The following GNG7 variants were observed in gnomAD, a reference collection of about 807,000 sequenced individuals.
GNG7 encodes the protein G protein subunit gamma 7, also known as guanine nucleotide-binding protein G(I)/G(S)/G(O) subunit gamma-7.
GNG7 carries 1 observed loss-of-function variant against 4.0 expected under a neutral mutation model. The observed-to-expected ratio is 0.25, with a 90% CI of 0.09 to 1.18. The LOEUF (loss-of-function observed/expected upper bound fraction) is 1.18. Among genes scored for constraint, GNG7 ranks in the 50% most tolerant of loss-of-function variants. GNG7 has a pLI of 0.50. For missense variants in GNG7, 86 were observed against 91.9 expected, an observed-to-expected ratio of 0.94 and a Z score of 0.26; for synonymous variants, 34 against 36.9, an observed-to-expected ratio of 0.92 and a Z score of 0.29.
intron 3 of GNG7, among the ~76,000 whole-genome samples, chr19:2,530,911 G>T (rs1003359623): frequency 4.6e-5 from 7 of 152,158 alleles, no homozygotes; most frequent in African/African-American, 1.7e-4. Context: ...GCTTCACGAG[G>T]CCAAGGGTAC....
chr19:2,559,758 T>C (rs1239027753), intron 2 of GNG7, among the ~76,000 whole-genome samples: 2 of 152,198 alleles, frequency 1.3e-5, no homozygotes, highest in Non-Finnish European at 2.9e-5. Context: ...GTGATCCGCC[T>C]GCCTCAGCCT....
chr19:2,636,078 A>T lies in GNG7; in HGVS notation c.-78+10146T>A, dbSNP rs548288662. ...GTCTACAGGAGCCAGGGGGAGAGAGACCCTGTGTTATTTGGAAAAAAACAG... is the reference window on the plus strand; with the variant it reads ...GTCTACAGGAGCCAGGGGGAGAGAGTCCCTGTGTTATTTGGAAAAAAACAG... On this transcript the variant is annotated intron_variant, in intron 2 of 4. Transcript: ENST00000382159. 9.2e-5 allele frequency among the ~76,000 whole-genome samples: 14 copies of T among 152,144 alleles called. No individual in the cohort carries two copies. In the South Asian group the frequency reaches 2.9e-3, roughly 32 times the overall value.
At chr19:2,682,803 C>T (rs1217020865) in intron 1 of GNG7, among the ~76,000 whole-genome samples, 1 of 152,014 alleles carries the variant, frequency 6.6e-6, no homozygotes, top group East Asian at 1.9e-4. Context: ...GAAGAGCTGC[C>T]AGGGGTTGCT....
Position 2,511,955 on chromosome 19 carries a change from G to T in GNG7, c.*3067C>A. On this transcript the variant is annotated 3_prime_UTR_variant, in exon 5 of 5. Transcript: ENST00000382159. The surrounding 1 kb of genome is among the most constrained non-coding windows in gnomAD (Gnocchi z 6.3). Reference sequence around the variant, plus strand: ...GCCCAGGTGGGTCACAACAGGGTCGGGGCCTGGCCCGCTGTGGCCCTTCAC... The same window carrying T: ...GCCCAGGTGGGTCACAACAGGGTCGTGGCCTGGCCCGCTGTGGCCCTTCAC... 1.0e-6 allele frequency: 1 copy of T among 985,976 alleles called. No individual in the cohort carries two copies. The highest frequency in any genetic ancestry group is 6.1e-5 in the Admixed American group (1 of 16,276). The allele number at this position is 985,976 out of a possible 1,614,324, so 61.1% of individuals were successfully genotyped here.
At chr19:2,686,664 C>T (rs1031810973) in intron 1 of GNG7, among the ~76,000 whole-genome samples, 6 of 152,026 alleles carry the variant, frequency 3.9e-5, no homozygotes, top group African/African-American at 9.7e-5. Flanking sequence ...ATGGGGAAGA[C>T]GACGAGTTTC....
intron 3 of GNG7, among the ~76,000 whole-genome samples, chr19:2,532,131 A>C (rs1223035213): frequency 6.7e-6 from 1 of 148,974 alleles, no homozygotes; most frequent in African/African-American, 2.5e-5. Context: ...AGCCTGGGCA[A>C]AAGAACGAGA....
chr19:2,621,283 G>C (rs1981861651), intron 2 of GNG7, among the ~76,000 whole-genome samples: 1 of 152,178 alleles, frequency 6.6e-6, no homozygotes, highest in African/African-American at 2.4e-5. Context: ...CAGCTACTCG[G>C]GAAGCTGAGG....
At chr19:2,597,377 A>G (rs10420152) in intron 2 of GNG7, among the ~76,000 whole-genome samples, 104,465 of 151,998 alleles carry the variant, frequency 0.69, 36,421 homozygotes, top group Non-Finnish European at 0.76. Flanking sequence ...CAGGCGGATC[A>G]CCTAAGGTCA....
At chr19:2,680,931 C>T (rs1467815898) in intron 1 of GNG7, among the ~76,000 whole-genome samples, 2 of 151,996 alleles carry the variant, frequency 1.3e-5, no homozygotes, top group African/African-American at 2.4e-5. Context: ...TCCTACCTCC[C>T]CGTGAGCCCT....
At chr19:2,559,127 AAT>A (rs61026682) in intron 2 of GNG7, among the ~76,000 whole-genome samples, 8 of 151,056 alleles carry the variant, frequency 5.3e-5, no homozygotes, top group Non-Finnish European at 1.2e-4. Flanking sequence ...AGTCACAAAG[AAT>A]ATATATATAT....
intron 3 of GNG7, among the ~76,000 whole-genome samples, chr19:2,552,667 G>A (rs1979368647): frequency 6.6e-6 from 1 of 151,104 alleles, no homozygotes; most frequent in East Asian, 1.9e-4. Flanking sequence ...TTATAGGCGT[G>A]AGCCACCACA....
chr19:2,572,278 C>A (rs930715706), intron 2 of GNG7, among the ~76,000 whole-genome samples: 16 of 151,976 alleles, frequency 1.1e-4, no homozygotes, highest in African/African-American at 3.9e-4. Context: ...CTCAGCTTCC[C>A]ACGTATCTGG....
intron 1 of GNG7, among the ~76,000 whole-genome samples, chr19:2,698,251 A>C (rs1271352659): frequency 6.8e-6 from 1 of 147,120 alleles, no homozygotes; most frequent in African/African-American, 2.6e-5. Context: ...CGGGCAACGG[A>C]ATGAGACCAT....
At chr19:2,539,830 A>T (rs1228210184) in intron 3 of GNG7, among the ~76,000 whole-genome samples, 1 of 117,692 alleles carries the variant, frequency 8.5e-6, no homozygotes, top group Non-Finnish European at 1.9e-5. Flanking sequence ...GCAGGAACTC[A>T]CACCTCTCCT....
Position 2,599,735 on chromosome 19 carries a change from G to A in GNG7, c.-77-44547C>T, listed in dbSNP as rs542511513. 7.9e-5 allele frequency among the ~76,000 whole-genome samples: 12 copies of A among 152,192 alleles called. No individual in the cohort carries two copies. The South Asian group carries it at 2.5e-3, about 32-fold the overall frequency. On this transcript the variant is annotated intron_variant, in intron 2 of 4. Coordinates refer to ENST00000382159, the MANE Select transcript of GNG7 (RefSeq NM_052847.3). ...GCGGATCACCTGCGGTCAGGAGTTC[G>A]AGACCAGCCTGGGCAATACGGCGAA...
intron 2 of GNG7, among the ~76,000 whole-genome samples, chr19:2,613,943 ACAGAAGCTCG>A (rs1293930922): frequency 1.3e-5 from 2 of 152,218 alleles, no homozygotes; most frequent in Non-Finnish European, 2.9e-5. Flanking sequence ...TGCGAATCAG[ACAGAAGCTCG>A]CAGCCTAAGG....
At chr19:2,563,478 C>T (rs187656263) in intron 2 of GNG7, among the ~76,000 whole-genome samples, 130 of 151,922 alleles carry the variant, frequency 8.6e-4, no homozygotes, top group Middle Eastern at 6.8e-3. Flanking sequence ...TGAGGTCACA[C>T]TTTTTTTTGT....
At chr19:2,647,959 C>T (rs867552013) in intron 1 of GNG7, among the ~76,000 whole-genome samples, 20 of 124,116 alleles carry the variant, frequency 1.6e-4, no homozygotes, top group Admixed American at 7.8e-4. Context: ...ACCCGGGAGG[C>T]GGAGGTTGCA....
At chr19:2,573,808 A>C (rs1387440853) in intron 2 of GNG7, among the ~76,000 whole-genome samples, 1 of 152,140 alleles carries the variant, frequency 6.6e-6, no homozygotes, top group African/African-American at 2.4e-5. Flanking sequence ...ACGCCACTGC[A>C]CTCCAGCCTG....
Sources: allele counts gnomAD v4.1 joint callset (sites outside exome capture counted in the v4.1 genomes callset), GRCh38; gene constraint gnomAD v4.1.1; non-coding constraint Gnocchi (gnomAD v3.1); transcripts MANE v1.5; gene names NCBI Gene and HGNC (gene_info 2026-07-23, HGNC 2026-07-21).